Variants in PHACTR3 observed in about 807,000 individuals in gnomAD.
PHACTR3 encodes protein phosphatase 1, regulatory subunit 123.
A neutral mutation model predicts 66.8 loss-of-function variants in PHACTR3; 16 were observed. The observed-to-expected ratio is 0.24, with a 90% confidence interval of 0.16 to 0.36. The LOEUF is 0.36. PHACTR3 is among the 10% of genes least tolerant of loss of function. PHACTR3 has a pLI of 1.00. For synonymous variants in PHACTR3, 323 were observed against 292.1 expected, an observed-to-expected ratio of 1.11 and a Z score of -1.08; for missense variants, 647 against 719.9, an observed-to-expected ratio of 0.90 and a Z score of 1.16.
At chr20:59,623,499 T>C (rs2034335941) in intron 1 of PHACTR3, among the ~76,000 whole-genome samples, 1 of 152,262 alleles carries the variant, frequency 6.6e-6, no homozygotes, top group African/African-American at 2.4e-5. Flanking sequence ...CGACAGCTGC[T>C]GATGGCTTTC....
At chr20:59,621,649 C>T (rs1030944170) in intron 1 of PHACTR3, among the ~76,000 whole-genome samples, 3 of 152,236 alleles carry the variant, frequency 2.0e-5, no homozygotes, top group African/African-American at 7.2e-5. Context: ...GCAGTCTAGA[C>T]TTCCTGCCTG....
At position 59,820,894 on chromosome 20, in the gene PHACTR3, A is replaced by C. The variant is rs534973431; in HGVS notation, c.1328+14700A>C. On this transcript the variant is annotated intron_variant, in intron 8 of 12. Transcript: ENST00000371015. The surrounding 1 kb of genome is among the most constrained non-coding windows in gnomAD (Gnocchi z 4.6). ...TGGGCTGAGTGAGCCCAGGGAAGTC[A>C]CATGGTGAGTCCAAGCCTTGAAATG... Among the ~76,000 whole-genome samples, 6 of 152,324 alleles carry C rather than the reference A, an allele frequency of 3.9e-5. No homozygotes were observed. Among genetic ancestry groups the C allele is most frequent in the Admixed American group, 2.0e-4 (3 of 15,294 alleles).
chr20:59,790,116 T>C (rs1169789545), intron 7 of PHACTR3, among the ~76,000 whole-genome samples: 1 of 152,240 alleles, frequency 6.6e-6, no homozygotes, highest in East Asian at 1.9e-4. Flanking sequence ...TTCCTTTTTT[T>C]CTCTTTTTTA....
intron 1 of PHACTR3, among the ~76,000 whole-genome samples, chr20:59,619,011 C>G (rs897371248): frequency 6.6e-6 from 1 of 152,210 alleles, no homozygotes; most frequent in African/African-American, 2.4e-5. Context: ...GGTTCTTTTC[C>G]TGGCACAGTG....
intron 1 of PHACTR3, among the ~76,000 whole-genome samples, chr20:59,629,872 C>A (rs892977152): frequency 2.0e-5 from 3 of 152,224 alleles, no homozygotes; most frequent in African/African-American, 7.2e-5. Context: ...TAGAAGGAAG[C>A]ACCCAACTCC....
intron 2 of PHACTR3, 135 bp from the exon 3 acceptor site, chr20:59,747,623 G>A (rs1601252629): frequency 1.1e-6 from 1 of 915,220 alleles, no homozygotes. Flanking sequence ...CAGTGGACTA[G>A]GCCCCCTAAC....
chr20:59,784,557 A>T (rs750139826), intron 7 of PHACTR3, among the ~76,000 whole-genome samples: 1 of 152,072 alleles, frequency 6.6e-6, no homozygotes, highest in Non-Finnish European at 1.5e-5. Flanking sequence ...CTGGGCGTGG[A>T]GATGAGACGC....
At chr20:59,739,302 A>G (rs552459649) in intron 1 of PHACTR3, among the ~76,000 whole-genome samples, 3 of 152,264 alleles carry the variant, frequency 2.0e-5, no homozygotes, top group African/African-American at 7.2e-5. Flanking sequence ...TGCTTTGTGG[A>G]GCATCTGTGG....
At chr20:59,811,490 C>G (rs1887411) in intron 8 of PHACTR3, among the ~76,000 whole-genome samples, 1,928 of 152,112 alleles carry the variant, frequency 0.013, 35 homozygotes, top group African/African-American at 0.044. Context: ...GAAACCTCGT[C>G]TCTACTGAAA....
chr20:59,650,960 C>T (rs1271181022), intron 1 of PHACTR3, among the ~76,000 whole-genome samples: 1 of 151,870 alleles, frequency 6.6e-6, no homozygotes, highest in Non-Finnish European at 1.5e-5. Context: ...TGTCTTTTAA[C>T]AAAAAGAAAA....
At chr20:59,819,028 T>G (rs1443378825) in intron 8 of PHACTR3, among the ~76,000 whole-genome samples, 1 of 152,310 alleles carries the variant, frequency 6.6e-6, no homozygotes, top group East Asian at 1.9e-4. Context: ...GGGCTTGGCC[T>G]ATGAAGGGAA....
At chr20:59,642,138 G>T (rs1271682577) in intron 1 of PHACTR3, among the ~76,000 whole-genome samples, 1 of 152,068 alleles carries the variant, frequency 6.6e-6, no homozygotes, top group Non-Finnish European at 1.5e-5. Context: ...TTTCTGCAGA[G>T]CGTTAGAATT....
chr20:59,836,545 A>C lies in PHACTR3; in HGVS notation c.1369A>C (p.Arg457=). Residue 457 remains arginine (R), a synonymous_variant, in exon 9 of 13, where the codon AGA becomes CGA. Coordinates refer to ENST00000371015, the MANE Select transcript of PHACTR3 (RefSeq NM_080672.5). The stretch of plus-strand genomic sequence containing the variant: ...ACCTGCCGTGGAAGAGCTGGAGAGA[A>C]GAAATATCTTGAAACGTGAGTAGCT... ...QRPAVEELER[R]NILKQRNDQT... 1.2e-6 allele frequency: 2 copies of C among 1,611,616 alleles called. No homozygotes were observed. Among genetic ancestry groups the C allele is most frequent in the Non-Finnish European group, 1.7e-6 (2 of 1,179,136 alleles).
intron 1 of PHACTR3, among the ~76,000 whole-genome samples, chr20:59,663,125 G>T (rs939938566): frequency 6.6e-6 from 1 of 152,190 alleles, no homozygotes. Flanking sequence ...CCTTCACGTG[G>T]CCTTTACTGT....
intron 1 of PHACTR3, among the ~76,000 whole-genome samples, chr20:59,698,893 A>G (rs1394871608): frequency 6.6e-6 from 1 of 152,202 alleles, no homozygotes; most frequent in East Asian, 1.9e-4. Flanking sequence ...TCAGCTTGCC[A>G]TCCTCTGGCC....
chr20:59,734,371 C>G (rs1431940659), intron 1 of PHACTR3, among the ~76,000 whole-genome samples: 1 of 152,138 alleles, frequency 6.6e-6, no homozygotes, highest in Non-Finnish European at 1.5e-5. Context: ...CCTGCCTCAG[C>G]CTCCTGAGTT....
intron 8 of PHACTR3, among the ~76,000 whole-genome samples, chr20:59,818,854 A>T (rs752468942): frequency 6.6e-6 from 1 of 152,022 alleles, no homozygotes; most frequent in Non-Finnish European, 1.5e-5. Context: ...TGTCATTTTC[A>T]TCTTTTTCTT....
intron 1 of PHACTR3, among the ~76,000 whole-genome samples, chr20:59,737,150 G>A (rs1420962018): frequency 3.9e-5 from 6 of 152,054 alleles, no homozygotes. Context: ...CTCCTGTCTT[G>A]GACAGCCTGC....
intron 1 of PHACTR3, among the ~76,000 whole-genome samples, chr20:59,688,047 G>C (rs2036964941): frequency 6.6e-6 from 1 of 152,134 alleles, no homozygotes; most frequent in Admixed American, 6.5e-5. Flanking sequence ...TGACGGGCAT[G>C]GGGTCTTGCC....
Sources: allele counts gnomAD v4.1 joint callset (sites outside exome capture counted in the v4.1 genomes callset), GRCh38; gene constraint gnomAD v4.1.1; non-coding constraint Gnocchi (gnomAD v3.1); transcripts MANE v1.5; gene names NCBI Gene and HGNC (gene_info 2026-07-23, HGNC 2026-07-21).